LRMDA: variants seen among roughly 807,000 people sequenced by gnomAD.
The protein encoded by LRMDA is leucine rich melanocyte differentiation associated.
In LRMDA, 18 loss-of-function variants were observed where a neutral mutation model predicts 29.8. The ratio of observed to expected loss-of-function variants is 0.60; its 90% CI spans 0.42 to 0.90. LRMDA has a LOEUF of 0.90. Among genes scored for constraint, LRMDA ranks in the 40% least tolerant of loss-of-function variants. The probability of loss-of-function intolerance (pLI) is 0.00; values close to 1 mark genes in which losing one functional copy is unlikely to be tolerated. For missense variants in LRMDA, 273 were observed against 273.9 expected, an observed-to-expected ratio of 1.00 and a Z score of 0.02; for synonymous variants, 125 against 109.4, an observed-to-expected ratio of 1.14 and a Z score of -0.89.
intron 2 of LRMDA, among the ~76,000 whole-genome samples, chr10:75,894,282 G>GGTTTTCA (rs1347247000): frequency 1.3e-5 from 2 of 152,020 alleles, no homozygotes; most frequent in Non-Finnish European, 2.9e-5. Flanking sequence ...TACGATGTCT[G>GGTTTTCA]GTTTTCAGTT....
At chr10:75,893,128 G>T (rs949376656) in intron 2 of LRMDA, among the ~76,000 whole-genome samples, 2 of 152,142 alleles carry the variant, frequency 1.3e-5, no homozygotes, top group Non-Finnish European at 2.9e-5. Flanking sequence ...GCGTGTGTTT[G>T]GTAGCATGCA....
intron 5 of LRMDA, among the ~76,000 whole-genome samples, chr10:76,286,311 T>C (rs553222708): frequency 1.3e-5 from 2 of 152,290 alleles, no homozygotes; most frequent in East Asian, 3.9e-4. Context: ...AGAAAGCACA[T>C]TGGGCTGGAA....
At chr10:75,474,380 A>G (rs1844763286) in intron 2 of LRMDA, among the ~76,000 whole-genome samples, 1 of 152,184 alleles carries the variant, frequency 6.6e-6, no homozygotes, top group Non-Finnish European at 1.5e-5. Flanking sequence ...AGATCAAGGG[A>G]CTGGCAGATT....
intron 2 of LRMDA, among the ~76,000 whole-genome samples, chr10:75,466,281 G>A (rs2132041581): frequency 6.6e-6 from 1 of 152,302 alleles, no homozygotes; most frequent in Non-Finnish European, 1.5e-5. Flanking sequence ...TTGGATGGGA[G>A]AGGATGTGGA....
chr10:75,516,676 T>G (rs1218314073), intron 2 of LRMDA, among the ~76,000 whole-genome samples: 1 of 152,154 alleles, frequency 6.6e-6, no homozygotes, highest in East Asian at 1.9e-4. Context: ...TGGTAGTTTC[T>G]TTTGCCTTGC....
intron 2 of LRMDA, among the ~76,000 whole-genome samples, chr10:75,707,769 C>T (rs180717624): frequency 1.2e-4 from 19 of 152,238 alleles, no homozygotes; most frequent in Non-Finnish European, 2.4e-4. Context: ...GTCTCTATGG[C>T]CCTGCCCCTT....
chr10:76,133,056 C>A (rs1172290280), intron 5 of LRMDA, among the ~76,000 whole-genome samples: 1 of 143,826 alleles, frequency 7.0e-6, no homozygotes, highest in South Asian at 2.2e-4. Context: ...CTCCTGACCT[C>A]GTGATCCGCC....
At chr10:76,365,955 A>C (rs1171972616) in intron 6 of LRMDA, among the ~76,000 whole-genome samples, 1 of 152,086 alleles carries the variant, frequency 6.6e-6, no homozygotes, top group African/African-American at 2.4e-5. Context: ...GTTCTCCTAC[A>C]TGTGGCTAGC....
rs200186142 is a variant in LRMDA at position 75,975,811 on chromosome 10, A to AT, written c.132-60191dup. ...CCCAGGCCTCTCCAAAATCAGAGTC[A>AT]TTTTTTCTTTCTTTCTTTCCTTCAC... On this transcript the variant is annotated intron_variant, in intron 2 of 6. Coordinates refer to ENST00000611255, the MANE Select transcript of LRMDA (RefSeq NM_001305581.2). Among the ~76,000 whole-genome samples the AT allele has an allele frequency of 7.5e-4, 114 of 152,246 alleles. 2 individuals carry two copies. The East Asian group carries it at 0.018, about 25-fold the overall frequency.
intron 2 of LRMDA, among the ~76,000 whole-genome samples, chr10:75,741,501 A>G (rs576479820): frequency 2.6e-5 from 4 of 152,148 alleles, no homozygotes; most frequent in Admixed American, 2.6e-4. Context: ...TCTTGAGGCT[A>G]CTACCTGATT....
intron 6 of LRMDA, among the ~76,000 whole-genome samples, chr10:76,554,629 C>A (rs981601782): frequency 6.6e-6 from 1 of 152,126 alleles, no homozygotes; most frequent in African/African-American, 2.4e-5. Flanking sequence ...ACAGGGTAGG[C>A]CTTAAAAAGG....
At chr10:75,618,064 C>G (rs1044105206) in intron 2 of LRMDA, among the ~76,000 whole-genome samples, 1 of 152,102 alleles carries the variant, frequency 6.6e-6, no homozygotes, top group Non-Finnish European at 1.5e-5. Flanking sequence ...AAGGGATATT[C>G]TTTGGGAATT....
At chr10:76,146,645 C>A (rs758276136) in intron 5 of LRMDA, among the ~76,000 whole-genome samples, 66 of 152,090 alleles carry the variant, frequency 4.3e-4, no homozygotes, top group Non-Finnish European at 8.5e-4. Context: ...ATCCAATTTG[C>A]CAGTCTGTGT....
intron 2 of LRMDA, among the ~76,000 whole-genome samples, chr10:75,573,090 C>A (rs1362533657): frequency 1.3e-5 from 2 of 152,194 alleles, no homozygotes; most frequent in Non-Finnish European, 2.9e-5. Flanking sequence ...TTTGTTGTGG[C>A]AGCCCCAACA....
At chr10:76,069,835 T>C (rs1481224710) in intron 5 of LRMDA, among the ~76,000 whole-genome samples, 2 of 152,200 alleles carry the variant, frequency 1.3e-5, no homozygotes, top group African/African-American at 2.4e-5. Flanking sequence ...TGACACAATT[T>C]AAGGAGTTGC....
At chr10:75,633,640 A>T (rs530177699) in intron 2 of LRMDA, among the ~76,000 whole-genome samples, 273 of 152,322 alleles carry the variant, frequency 1.8e-3, no homozygotes, top group Non-Finnish European at 3.4e-3. Context: ...ATATCTTTCT[A>T]AAGAGGTAAC....
intron 6 of LRMDA, among the ~76,000 whole-genome samples, chr10:76,412,697 T>C (rs923298432): frequency 2.6e-5 from 4 of 152,174 alleles, no homozygotes; most frequent in African/African-American, 7.2e-5. Flanking sequence ...GTTGAACCTA[T>C]ACAATATTCA....
chr10:75,971,708 G>C (rs1846974468), intron 2 of LRMDA, among the ~76,000 whole-genome samples: 1 of 152,218 alleles, frequency 6.6e-6, no homozygotes, highest in Admixed American at 6.5e-5. Flanking sequence ...GTTGCTATTA[G>C]AATTATTGGG....
intron 2 of LRMDA, among the ~76,000 whole-genome samples, chr10:75,493,619 A>G (rs1269776893): frequency 1.3e-5 from 2 of 152,140 alleles, no homozygotes; most frequent in African/African-American, 4.8e-5. Context: ...TCACATCCTT[A>G]AAATTTGGCA....
Sources: gnomAD v4.1 joint callset for allele counts (sites outside exome capture counted in the v4.1 genomes callset) on GRCh38, gnomAD v4.1.1 for gene constraint, MANE v1.5 for transcripts, NCBI Gene and HGNC (gene_info 2026-07-23, HGNC 2026-07-21) for gene names.